EML5: variants seen among roughly 807,000 people sequenced by gnomAD.
The protein encoded by EML5 is echinoderm microtubule-associated protein-like 5.
Under a neutral mutation model 250.0 loss-of-function variants are expected in EML5, and 120 were observed. The observed-to-expected ratio is 0.48, with a 90% CI of 0.41 to 0.56. The LOEUF is 0.56. EML5 is among the 20% of genes least tolerant of loss of function. The pLI, the probability that EML5 is intolerant of heterozygous loss-of-function variation, is 0.00. For synonymous variants in EML5, 771 were observed against 806.5 expected (o/e 0.96, Z 0.75); for missense variants, 2,006 against 2,437.6 (o/e 0.82, Z 3.73).
intron 6 of EML5, among the ~76,000 whole-genome samples, chr14:88,738,061 G>A (rs745824400): frequency 8.6e-5 from 13 of 152,014 alleles, no homozygotes; most frequent in Admixed American, 3.3e-4. Flanking sequence ...TAAAGACACC[G>A]TGTACCTCAC....
At chr14:88,629,961 A>G (rs2090336594) in intron 33 of EML5, among the ~76,000 whole-genome samples, 1 of 152,050 alleles carries the variant, frequency 6.6e-6, no homozygotes, top group African/African-American at 2.4e-5. Context: ...TACAAGAATC[A>G]AAGTTTTAAA....
At chr14:88,737,473 G>C (rs937277873) in intron 6 of EML5, among the ~76,000 whole-genome samples, 1 of 152,204 alleles carries the variant, frequency 6.6e-6, no homozygotes, top group Non-Finnish European at 1.5e-5. Flanking sequence ...AAGTGGGCAG[G>C]GTACCTCCTG....
intron 27 of EML5, among the ~76,000 whole-genome samples, chr14:88,651,123 A>C: frequency 6.7e-6 from 1 of 149,722 alleles, no homozygotes; most frequent in South Asian, 2.1e-4. Context: ...TGAAAATGAA[A>C]TCACATTGAT....
At chr14:88,617,999 C>T (rs951854803) in intron 41 of EML5, 1 of 231,832 alleles carries the variant, frequency 4.3e-6, no homozygotes, top group African/African-American at 6.6e-5. Flanking sequence ...AAAGTTAAAA[C>T]TTTGATTTCC....
At position 88,712,257 on chromosome 14, in the gene EML5, G is replaced by T; in HGVS notation, c.1657+14C>A. The T allele has an allele frequency of 6.4e-7, 1 of 1,555,770 alleles. No homozygotes were observed. Among genetic ancestry groups the T allele is most frequent in the Non-Finnish European group, 8.8e-7 (1 of 1,130,564 alleles). ...TGAGAGAGAGGTTACTTAATATTTT[G>T]AAAGAAAAGGTACCTTTTCTTAAAC... On this transcript the variant is annotated intron_variant, in intron 10 of 43. Coordinates refer to ENST00000554922, the MANE Select transcript of EML5 (RefSeq NM_183387.3).
intron 1 of EML5, among the ~76,000 whole-genome samples, chr14:88,772,569 G>A (rs1389078296): frequency 3.3e-5 from 5 of 152,078 alleles, no homozygotes; most frequent in African/African-American, 7.2e-5. Context: ...ACTGGCCAAC[G>A]TGGTGAAACC....
intron 14 of EML5, among the ~76,000 whole-genome samples, chr14:88,700,769 C>T (rs1380526811): frequency 6.6e-6 from 1 of 152,090 alleles, no homozygotes; most frequent in Non-Finnish European, 1.5e-5. Context: ...AGTGCCTGTA[C>T]CGGAAAGGTT....
intron 14 of EML5, among the ~76,000 whole-genome samples, chr14:88,698,977 G>T (rs183577959): frequency 6.6e-6 from 1 of 152,290 alleles, no homozygotes; most frequent in East Asian, 1.9e-4. Flanking sequence ...GAGAGGTTAG[G>T]TAATTTGCCA....
In EML5 at chr14:88,663,033, C is replaced by T; in HGVS notation, c.3496G>A (p.Glu1166Lys). 6.4e-7 allele frequency: 1 copy of T among 1,550,638 alleles called. No individual in the cohort carries two copies. Among genetic ancestry groups the T allele is most frequent in the Non-Finnish European group, 8.7e-7 (1 of 1,146,356 alleles). The part of the protein sequence containing the change: ...RGKKQTIPSV[E>K]VEKIAWASWT... ...TGCAAGCACCACTGTTGTCCTACCTCCACGCTGGGGATGGTTTGTTTTTTC... is the reference window on the plus strand; with the variant it reads ...TGCAAGCACCACTGTTGTCCTACCTTCACGCTGGGGATGGTTTGTTTTTTC... Residue 1166 changes from glutamate (E) to lysine (K), a missense_variant and splice_region_variant, in exon 24 of 44, where the codon GAG becomes AAG. Transcript: ENST00000554922.
chr14:88,774,367 T>C (rs376182375), intron 1 of EML5, among the ~76,000 whole-genome samples: 1 of 152,196 alleles, frequency 6.6e-6, no homozygotes, highest in Admixed American at 6.5e-5. Context: ...GGAACAAATC[T>C]GTTTTTAAGA....
At chr14:88,729,620 C>T (rs1481935345) in intron 7 of EML5, among the ~76,000 whole-genome samples, 5 of 151,226 alleles carry the variant, frequency 3.3e-5, no homozygotes, top group South Asian at 2.1e-4. Context: ...GTAGTGCTGG[C>T]GCAATCTTAG....
chr14:88,707,276 T>G lies in EML5; in HGVS notation c.1658-850A>C, dbSNP rs560405041. ...ATGTGATAATAGGGATATATTTTAT[T>G]TATTTATTTATTTATTTATTTATTT... On this transcript the variant is annotated intron_variant, in intron 10 of 43. Coordinates refer to ENST00000554922, the MANE Select transcript of EML5 (RefSeq NM_183387.3). Among the ~76,000 whole-genome samples the G allele has an allele frequency of 2.1e-5, 3 of 142,780 alleles. No homozygotes were observed. The East Asian group carries it at 6.1e-4, about 29-fold the overall frequency. 93.7% of individuals were successfully genotyped at this position (142,780 alleles called of 152,430 possible).
At position 88,792,919 on chromosome 14, in the gene EML5, G is replaced by T. The variant is rs2094624997; in HGVS notation, c.-416C>A. On this transcript the variant is annotated 5_prime_UTR_variant, in exon 1 of 44. Coordinates refer to ENST00000554922, the MANE Select transcript of EML5 (RefSeq NM_183387.3). This position sits in a 1 kb window ranked among gnomAD's most constrained non-coding sequence, Gnocchi z 6.9. Reference sequence around the variant, plus strand: ...GCGGCTTTGTAGCCACAGCCTGGCGGACCCGCGCCGCGCACCCCGAAACCG... The same window carrying T: ...GCGGCTTTGTAGCCACAGCCTGGCGTACCCGCGCCGCGCACCCCGAAACCG... Among the ~76,000 whole-genome samples, 1 of 151,728 alleles carries T rather than the reference G, an allele frequency of 6.6e-6. No homozygotes were observed. The highest frequency in any genetic ancestry group is 6.6e-5 in the Admixed American group (1 of 15,240).
chr14:88,730,657 G>T (rs1055737726), intron 7 of EML5, among the ~76,000 whole-genome samples: 7 of 152,102 alleles, frequency 4.6e-5, no homozygotes, highest in Non-Finnish European at 8.8e-5. Flanking sequence ...TTGTTTATTT[G>T]GGGAGTCAAT....
At chr14:88,675,150 G>A (rs2141091416) in intron 21 of EML5, among the ~76,000 whole-genome samples, 1 of 152,352 alleles carries the variant, frequency 6.6e-6, no homozygotes, top group South Asian at 2.1e-4. Flanking sequence ...CTGAAGGATG[G>A]TTGCCCTCTT....
intron 6 of EML5, among the ~76,000 whole-genome samples, chr14:88,737,081 C>A (rs1381165802): frequency 6.6e-6 from 1 of 152,046 alleles, no homozygotes; most frequent in Non-Finnish European, 1.5e-5. Flanking sequence ...CACCTGCCAG[C>A]TGCCAGTATA....
Position 88,792,625 on chromosome 14 carries a change from C to T in EML5, c.-122G>A. On this transcript the variant is annotated 5_prime_UTR_variant, in exon 1 of 44. Coordinates refer to ENST00000554922, the MANE Select transcript of EML5 (RefSeq NM_183387.3). This position sits in a 1 kb window ranked among gnomAD's most constrained non-coding sequence, Gnocchi z 6.9. ...CTTCCCGCCAGCCGCGTCCTCTAAG[C>T]CGCGCCCGTCAGGTGCATCTCGTTT... 1 of 1,171,410 alleles carries T rather than the reference C, an allele frequency of 8.5e-7. No individual in the cohort carries two copies. The highest frequency in any genetic ancestry group is 1.1e-6 in the Non-Finnish European group (1 of 950,380). 72.6% of individuals were successfully genotyped at this position (1,171,410 alleles called of 1,614,324 possible). A position where few individuals can be genotyped will look rare whatever the true frequency, so the allele number is the denominator to read the frequency against.
intron 1 of EML5, among the ~76,000 whole-genome samples, chr14:88,759,678 C>A (rs2140436245): frequency 1.6e-5 from 1 of 60,856 alleles, no homozygotes; most frequent in Non-Finnish European, 2.6e-5. Context: ...GGCAAGTCAC[C>A]ATCTCTTAAA....
intron 19 of EML5, 46 bp downstream of exon 19, chr14:88,687,170 T>C (rs117398977): frequency 0.012 from 17,260 of 1,404,122 alleles, 126 homozygotes; most frequent in Non-Finnish European, 0.015. Context: ...TAATGAGCAA[T>C]TAATCTTTTT....
Sources: allele counts gnomAD v4.1 joint callset (sites outside exome capture counted in the v4.1 genomes callset), GRCh38; gene constraint gnomAD v4.1.1; non-coding constraint Gnocchi (gnomAD v3.1); transcripts MANE v1.5; gene names NCBI Gene and HGNC (gene_info 2026-07-23, HGNC 2026-07-21).